PAFAH1B2: variants seen among roughly 807,000 people sequenced by gnomAD.
PAFAH1B2 encodes platelet-activating factor acetylhydrolase IB subunit alpha2.
In PAFAH1B2, 8 loss-of-function variants were observed where a neutral mutation model predicts 28.0. The observed-to-expected ratio is 0.29, with a 90% CI of 0.17 to 0.52. The LOEUF is 0.52. Among genes scored for constraint, PAFAH1B2 ranks in the 20% least tolerant of loss-of-function variants. The probability of loss-of-function intolerance (pLI) is 0.97; values close to 1 mark genes in which losing one functional copy is unlikely to be tolerated. For synonymous variants in PAFAH1B2, 104 were observed against 103.2 expected, an observed-to-expected ratio of 1.01 and a Z score of -0.05; for missense variants, 190 against 282.6, an observed-to-expected ratio of 0.67 and a Z score of 2.35.
At chr11:117,154,425 A>G (rs994422276) in intron 2 of PAFAH1B2, among the ~76,000 whole-genome samples, 1 of 152,198 alleles carries the variant, frequency 6.6e-6, no homozygotes, top group Non-Finnish European at 1.5e-5. Flanking sequence ...AATATTTTAA[A>G]AATTTTTTTG....
Position 117,157,048 on chromosome 11 carries a change from AAAG to A in PAFAH1B2, c.82-2883_82-2881del, listed in dbSNP as rs1290639506. Reference sequence around the variant, plus strand: ...TCAAAATCTCAAAAAAGAAAAAAAAAAAGAAAGGTAGTTGGTACTACAGTACCT... The same window carrying A: ...TCAAAATCTCAAAAAAGAAAAAAAAAAAAGGTAGTTGGTACTACAGTACCT... On this transcript the variant is annotated intron_variant, in intron 2 of 5. Transcript: ENST00000527958. 4.9e-3 allele frequency among the ~76,000 whole-genome samples: 750 copies of A among 151,518 alleles called. 12 individuals are homozygous for A. The highest frequency in any genetic ancestry group is 0.017 in the African/African-American group (715 of 41,300).
At position 117,169,315 on chromosome 11, in the gene PAFAH1B2, T is replaced by C; in HGVS notation, c.*1616T>C. 9.6e-7 allele frequency: 1 copy of C among 1,045,946 alleles called. No individual in the cohort carries two copies. Among genetic ancestry groups the C allele is most frequent in the East Asian group, 5.6e-5 (1 of 17,808 alleles). The allele number at this position is 1,045,946 out of a possible 1,614,324, so 64.8% of individuals were successfully genotyped here. On this transcript the variant is annotated 3_prime_UTR_variant, in exon 6 of 6. Transcript: ENST00000527958. ...ACTGCCATTAAAAAAAATGGGATAA[T>C]AGATGATTTTATCAGTATACCTGTG...
intron 2 of PAFAH1B2, among the ~76,000 whole-genome samples, chr11:117,157,259 TTTG>T (rs1360689278): frequency 1.3e-5 from 2 of 151,676 alleles, no homozygotes; most frequent in Non-Finnish European, 2.9e-5. Flanking sequence ...GAGGAAGTGT[TTTG>T]TTTTCTTTTT....
rs899097668 is a variant in PAFAH1B2 at position 117,147,273 on chromosome 11, A to G, written c.-8+2855A>G. Among the ~76,000 whole-genome samples the G allele has an allele frequency of 8.5e-5, 13 of 152,318 alleles. No individual in the cohort carries two copies. In the South Asian group the frequency reaches 2.5e-3, roughly 29 times the overall value. On this transcript the variant is annotated intron_variant, in intron 1 of 5. Coordinates refer to ENST00000527958, the MANE Select transcript of PAFAH1B2 (RefSeq NM_002572.4). Reference sequence around the variant, plus strand: ...ACGGGAGCGAAACTCTGTCTCAAAAAAAGAAAAGCCAGTTTAATTTTTATT... The same window carrying G: ...ACGGGAGCGAAACTCTGTCTCAAAAGAAGAAAAGCCAGTTTAATTTTTATT...
chr11:117,152,657 A>T, intron 2 of PAFAH1B2, 129 bp downstream of exon 2: 1 of 674,522 alleles, frequency 1.5e-6, no homozygotes, highest in Non-Finnish European at 2.7e-6. Context: ...GGCTCAAGTG[A>T]TCCTCCCACT....
At chr11:117,153,118 T>C (rs1467514758) in intron 2 of PAFAH1B2, among the ~76,000 whole-genome samples, 2 of 152,182 alleles carry the variant, frequency 1.3e-5, no homozygotes, top group Non-Finnish European at 2.9e-5. Flanking sequence ...CGTGACAGGT[T>C]GTACAAAGGG....
intron 5 of PAFAH1B2, chr11:117,164,100 TC>T: frequency 4.2e-6 from 2 of 480,882 alleles, no homozygotes; most frequent in Non-Finnish European, 7.4e-6. Flanking sequence ...TATCCACGCA[TC>T]CTTGTTTAGA....
At chr11:117,158,640 C>CTT (rs11327233) in intron 2 of PAFAH1B2, among the ~76,000 whole-genome samples, 6 of 81,800 alleles carry the variant, frequency 7.3e-5, no homozygotes, top group South Asian at 3.6e-4. Context: ...AGTTTGTGGG[C>CTT]TTTTTTTTTT....
downstream of PAFAH1B2, chr11:117,175,955 T>G (rs1314085652): frequency 2.0e-6 from 3 of 1,530,598 alleles, no homozygotes; most frequent in Non-Finnish European, 2.6e-6. Context: ...AAAGTCCAGA[T>G]GGACTGAGGA....
chr11:117,162,621 A>G (rs1956401315), intron 4 of PAFAH1B2, among the ~76,000 whole-genome samples: 1 of 151,108 alleles, frequency 6.6e-6, no homozygotes, highest in Admixed American at 6.6e-5. Flanking sequence ...AAAAAAAAAA[A>G]AGCCAGGCAT....
intron 2 of PAFAH1B2, among the ~76,000 whole-genome samples, chr11:117,158,538 G>A (rs764909809): frequency 1.2e-4 from 18 of 151,378 alleles, no homozygotes; most frequent in Non-Finnish European, 2.2e-4. Flanking sequence ...TTGGATCATA[G>A]TTGAGAAAAT....
At position 117,149,134 on chromosome 11, in the gene PAFAH1B2, C is replaced by T. The variant is rs907356458; in HGVS notation, c.-7-3307C>T. Among the ~76,000 whole-genome samples the T allele has an allele frequency of 5.3e-5, 8 of 150,466 alleles. No homozygotes were observed. The South Asian group carries it at 8.4e-4, about 16-fold the overall frequency. On this transcript the variant is annotated intron_variant, in intron 1 of 5. Coordinates refer to ENST00000527958, the MANE Select transcript of PAFAH1B2 (RefSeq NM_002572.4). ...CTGACCTCAGGTAATCTACCTGCCT[C>T]GGGCTCCCAAAGTGTTAGGATTACA...
chr11:117,177,638 G>A (rs934973937), downstream of PAFAH1B2, among the ~76,000 whole-genome samples: 3 of 152,258 alleles, frequency 2.0e-5, no homozygotes, highest in African/African-American at 7.2e-5. Flanking sequence ...AGAGTTAAGC[G>A]ATTCTCCTGC....
intron 5 of PAFAH1B2, among the ~76,000 whole-genome samples, chr11:117,165,875 T>C (rs986137111): frequency 1.3e-5 from 2 of 151,262 alleles, no homozygotes; most frequent in African/African-American, 4.9e-5. Flanking sequence ...AGTCTCGCTC[T>C]ACTGCCCAGG....
At chr11:117,157,094 T>TG in intron 2 of PAFAH1B2, among the ~76,000 whole-genome samples, 1 of 151,360 alleles carries the variant, frequency 6.6e-6, no homozygotes, top group South Asian at 2.1e-4. Context: ...GGAGTTGACA[T>TG]GATAGGAAAA....
At chr11:117,161,612 G>A (rs984069243) in intron 4 of PAFAH1B2, among the ~76,000 whole-genome samples, 3 of 151,384 alleles carry the variant, frequency 2.0e-5, no homozygotes, top group Non-Finnish European at 2.9e-5. Context: ...GGGTTCAAGC[G>A]ATTCTCCTGC....
At chr11:117,174,021 C>G (rs1299511276), downstream of PAFAH1B2, among the ~76,000 whole-genome samples, 1 of 151,838 alleles carries the variant, frequency 6.6e-6, no homozygotes, top group Non-Finnish European at 1.5e-5. Flanking sequence ...TTACATGATA[C>G]TAAAATCTGT....
At chr11:117,167,319 A>C in intron 5 of PAFAH1B2, 102 bp from the exon 6 acceptor site, 2 of 1,201,736 alleles carry the variant, frequency 1.7e-6, no homozygotes, top group South Asian at 3.7e-5. Flanking sequence ...AAAGGTGTAG[A>C]AAGTGCCAAA....
At position 117,170,632 on chromosome 11, in the gene PAFAH1B2, A is replaced by T. The variant is rs1956631185; in HGVS notation, c.*2933A>T. ...CTTAGGAATTTTGTCTGTTTAAAAA[A>T]AAAAAAAAAAAAAAAGTCCAACTTA... On this transcript the variant is annotated 3_prime_UTR_variant, in exon 6 of 6. Coordinates refer to ENST00000527958, the MANE Select transcript of PAFAH1B2 (RefSeq NM_002572.4). 9.5e-7 allele frequency: 1 copy of T among 1,053,814 alleles called. No individual in the cohort carries two copies. The highest frequency in any genetic ancestry group is 1.7e-5 in the African/African-American group (1 of 59,106). The allele number at this position is 1,053,814 out of a possible 1,614,324, so 65.3% of individuals were successfully genotyped here. A position where few individuals can be genotyped will look rare whatever the true frequency, so the allele number is the denominator to read the frequency against.
Sources: gnomAD v4.1 joint callset for allele counts (sites outside exome capture counted in the v4.1 genomes callset) on GRCh38, gnomAD v4.1.1 for gene constraint, MANE v1.5 for transcripts, NCBI Gene and HGNC (gene_info 2026-07-23, HGNC 2026-07-21) for gene names.